FGF13: variants seen among roughly 807,000 people sequenced by gnomAD.
FGF13 encodes the protein fibroblast growth factor homologous factor 2.
Under a neutral mutation model 19.5 loss-of-function variants are expected in FGF13, and 2 were observed. That is an observed-to-expected ratio of 0.10 (90% CI 0.04 to 0.32). FGF13 has a LOEUF of 0.32. Among genes scored for constraint, FGF13 ranks in the 10% least tolerant of loss-of-function variants. The pLI is 1.00. For missense variants in FGF13, 113 were observed against 192.7 expected (o/e 0.59, Z 2.45); for synonymous variants, 72 against 76.9 (o/e 0.94, Z 0.33).
At chrX:138,864,014 A>G (rs2091303415) in intron 2 of FGF13, among the ~76,000 whole-genome samples, 1 of 111,885 alleles carries the variant, frequency 8.9e-6, no homozygotes, top group South Asian at 3.8e-4. Context: ...CTGTATCCCT[A>G]GCCTCTACTC....
intron 3 of FGF13, among the ~76,000 whole-genome samples, chrX:138,833,996 C>A (rs1397484034): frequency 1.8e-5 from 2 of 111,682 alleles, no homozygotes; most frequent in African/African-American, 6.5e-5. Flanking sequence ...CCTTGCATCC[C>A]AGATATAAAG....
chrX:139,025,417 A>T (rs1237648432), intron 1 of FGF13, among the ~76,000 whole-genome samples: 1 of 111,477 alleles, frequency 9.0e-6, no homozygotes, highest in African/African-American at 3.3e-5. Context: ...CTGCTTCATC[A>T]AGACAATTGA....
At chrX:138,828,463 G>A (rs1161891360) in intron 3 of FGF13, among the ~76,000 whole-genome samples, 2 of 109,156 alleles carry the variant, frequency 1.8e-5, no homozygotes, top group African/African-American at 3.3e-5. Flanking sequence ...CCAGCTACTC[G>A]AGAGGCTGAG....
intron 3 of FGF13, among the ~76,000 whole-genome samples, chrX:138,688,175 G>A (rs1255814846): frequency 9.2e-6 from 1 of 108,903 alleles, no homozygotes; most frequent in East Asian, 2.9e-4. Context: ...ATGTTAGCCA[G>A]GATGGTCTCG....
chrX:139,021,595 T>C (rs2092178500), intron 1 of FGF13, among the ~76,000 whole-genome samples: 1 of 111,137 alleles, frequency 9.0e-6, no homozygotes, highest in Non-Finnish European at 1.9e-5. Context: ...AGAATACACA[T>C]TTCTTTCAAG....
chrX:138,723,414 T>C (rs1326575316), intron 1 of FGF13, among the ~76,000 whole-genome samples: 1 of 111,787 alleles, frequency 8.9e-6, no homozygotes, highest in Non-Finnish European at 1.9e-5. Flanking sequence ...TCTTCACATG[T>C]AAACAGCTCA....
chrX:139,054,418 C>T (rs1028334433), intron 1 of FGF13, among the ~76,000 whole-genome samples: 10 of 111,326 alleles, frequency 9.0e-5, no homozygotes, highest in Non-Finnish European at 1.5e-4. Context: ...CCACCGCGCC[C>T]GGCTGGTCTA....
At chrX:139,171,113 T>TG (rs1396885831) in intron 1 of FGF13, among the ~76,000 whole-genome samples, 1 of 110,927 alleles carries the variant, frequency 9.0e-6, no homozygotes, top group East Asian at 2.8e-4. Flanking sequence ...GCCTTGATAA[T>TG]GTCTTTATGC....
In FGF13 at chrX:138,631,319, A is replaced by C. The variant is rs1445839948; in HGVS notation, c.*1531T>G. The stretch of plus-strand genomic sequence containing the variant: ...AATGACACTGTGAGTGGCAGAGAAA[A>C]TACTAGCACAAACGCCTCATTTGTA... On this transcript the variant is annotated 3_prime_UTR_variant, in exon 5 of 5. Transcript: ENST00000315930. The C allele has an allele frequency of 1.8e-5, 2 of 112,437 alleles. No individual in the cohort carries two copies. Among genetic ancestry groups the C allele is most frequent in the African/African-American group, 6.5e-5 (2 of 30,963 alleles). 9.3% of individuals were successfully genotyped at this position (112,437 alleles called of 1,213,427 possible). A position where few individuals can be genotyped will look rare whatever the true frequency, so the allele number is the denominator to read the frequency against.
At chrX:138,832,202 G>T (rs998383716) in intron 3 of FGF13, among the ~76,000 whole-genome samples, 1 of 111,966 alleles carries the variant, frequency 8.9e-6, no homozygotes. Flanking sequence ...GAGTTGAATG[G>T]TATTTCTGTT....
intron 2 of FGF13, among the ~76,000 whole-genome samples, chrX:138,858,151 A>T (rs1356228354): frequency 8.9e-6 from 1 of 112,100 alleles, no homozygotes; most frequent in African/African-American, 3.2e-5. Context: ...CAGAAGAATC[A>T]GTCACTGCTC....
intron 2 of FGF13, chrX:138,857,828 T>TATTTTAATG (rs1181661340): frequency 9.0e-6 from 4 of 443,744 alleles, no homozygotes; most frequent in Non-Finnish European, 1.4e-5. Context: ...TTGGCGATTT[T>TATTTTAATG]ATTTTAATGG....
At chrX:139,093,047 TC>T (rs1207072161) in intron 1 of FGF13, among the ~76,000 whole-genome samples, 1 of 111,853 alleles carries the variant, frequency 8.9e-6, no homozygotes, top group Non-Finnish European at 1.9e-5. Flanking sequence ...CTTGGAGTGA[TC>T]AGCAGGGAAA....
chrX:139,182,308 C>A (rs1443713553), intron 1 of FGF13, among the ~76,000 whole-genome samples: 1 of 111,515 alleles, frequency 9.0e-6, no homozygotes, highest in African/African-American at 3.3e-5. Context: ...TAGGTAGTAC[C>A]CTGGATTAAA....
In FGF13 at chrX:138,711,484, G is replaced by A; in HGVS notation, c.-481C>T. ...CCGGGAGCTCGGGCGGCCGGACGGA[G>A]GAGGGACGAGGCAGCGCGCGGGGGA... On this transcript the variant is annotated 5_prime_UTR_variant, in exon 1 of 5. Coordinates refer to ENST00000315930, the MANE Select transcript of FGF13 (RefSeq NM_004114.5). The A allele has an allele frequency of 2.7e-6, 2 of 746,107 alleles. No homozygotes were observed. Among genetic ancestry groups the A allele is most frequent in the Non-Finnish European group, 3.2e-6 (2 of 630,614 alleles). 61.5% of individuals were successfully genotyped at this position (746,107 alleles called of 1,213,427 possible).
At chrX:138,976,600 T>G (rs1234354858) in intron 1 of FGF13, among the ~76,000 whole-genome samples, 1 of 111,722 alleles carries the variant, frequency 9.0e-6, no homozygotes, top group Non-Finnish European at 1.9e-5. Flanking sequence ...GGGTACAATG[T>G]ACACTACTCA....
intron 1 of FGF13, among the ~76,000 whole-genome samples, chrX:139,144,369 C>A (rs766825374): frequency 8.9e-6 from 1 of 112,406 alleles, no homozygotes; most frequent in African/African-American, 3.2e-5. Flanking sequence ...GCCTGAGACA[C>A]TCCCCTTTTG....
At chrX:139,027,401 T>C (rs1394316780) in intron 1 of FGF13, among the ~76,000 whole-genome samples, 3 of 112,314 alleles carry the variant, frequency 2.7e-5, no homozygotes, top group African/African-American at 9.7e-5. Context: ...TAATAAACTT[T>C]ATCATATAGG....
At chrX:139,182,854 T>A (rs1054664462) in intron 1 of FGF13, among the ~76,000 whole-genome samples, 4 of 111,841 alleles carry the variant, frequency 3.6e-5, no homozygotes, top group African/African-American at 1.3e-4. Flanking sequence ...ACCAAATGCT[T>A]TCACATATCA....
Sources: allele counts gnomAD v4.1 joint callset (sites outside exome capture counted in the v4.1 genomes callset), GRCh38; gene constraint gnomAD v4.1.1; transcripts MANE v1.5; gene names NCBI Gene and HGNC (gene_info 2026-07-23, HGNC 2026-07-21).